Variants in TMEM213 observed in about 807,000 individuals in gnomAD.
TMEM213 encodes the protein transmembrane protein 213.
In TMEM213, 7 loss-of-function variants were observed where a neutral mutation model predicts 11.6. The ratio of observed to expected loss-of-function variants is 0.60; its 90% CI spans 0.34 to 1.13. The LOEUF is 1.13. Among genes scored for constraint, TMEM213 ranks in the 50% most tolerant of loss-of-function variants. TMEM213 has a pLI of 0.03. For missense variants in TMEM213, 129 were observed against 139.0 expected, an observed-to-expected ratio of 0.93 and a Z score of 0.36; for synonymous variants, 60 against 58.3, an observed-to-expected ratio of 1.03 and a Z score of -0.13.
chr7:138,800,237 G>C (rs1808888380), intron 1 of TMEM213, among the ~76,000 whole-genome samples: 1 of 152,078 alleles, frequency 6.6e-6, no homozygotes, highest in African/African-American at 2.4e-5. Flanking sequence ...TAAACAAGAA[G>C]CTGAGTTTTT....
rs981628585 is a variant in TMEM213, at chr7:138,803,244, C to T, written c.*175C>T. 6 of 793,164 alleles carry T rather than the reference C, an allele frequency of 7.6e-6. No individual in the cohort carries two copies. The highest frequency in any genetic ancestry group is 3.8e-4 in the Middle Eastern group (1 of 2,646). 49.1% of individuals were successfully genotyped at this position (793,164 alleles called of 1,614,324 possible). The stretch of plus-strand genomic sequence containing the variant: ...ACCAAATAAGGCAAGCCAGTGCTGC[C>T]CTTGCATGTCACTCCCAAGGGCCCC... On this transcript the variant is annotated 3_prime_UTR_variant, in exon 3 of 3. Transcript: ENST00000442682.
rs1418190014 is a variant in TMEM213, at chr7:138,799,652, T to C, written c.82+1466T>C. 5 of 152,210 alleles carry C rather than the reference T, an allele frequency of 3.3e-5. No individual in the cohort carries two copies. The East Asian group carries it at 9.6e-4, about 29-fold the overall frequency. The allele number at this position is 152,210 out of a possible 1,614,324, so 9.4% of individuals were successfully genotyped here. On this transcript the variant is annotated intron_variant, in intron 1 of 2. Coordinates refer to ENST00000442682, the MANE Select transcript of TMEM213 (RefSeq NM_001085429.2). ...GGAAGAGGACAACTTCCATTCTAGG[T>C]GTAGAGGTGAAATGAAAGTCAGGGC...
chr7:138,798,128 C>T lies in TMEM213; in HGVS notation c.24C>T (p.Thr8=). The T allele has an allele frequency of 6.2e-7, 1 of 1,601,382 alleles. No homozygotes were observed. Among genetic ancestry groups the T allele is most frequent in the East Asian group, 2.3e-5 (1 of 44,274 alleles). The change falls in exon 1 of 3, where the codon ACC becomes ACT. Residue 8 remains threonine, a synonymous_variant. Coordinates refer to ENST00000442682, the MANE Select transcript of TMEM213 (RefSeq NM_001085429.2). ...GCATGCAGCGCCTCCCCGCTGCCACCCGGGCCACCCTGATCCTCAGCCTGG... is the reference window on the plus strand; with the variant it reads ...GCATGCAGCGCCTCCCCGCTGCCACTCGGGCCACCCTGATCCTCAGCCTGG... MQRLPAA[T]RATLILSLAF... is the part of the protein sequence containing the mutation.
chr7:138,800,565 C>A (rs925300734), intron 1 of TMEM213, among the ~76,000 whole-genome samples: 1 of 152,126 alleles, frequency 6.6e-6, no homozygotes, highest in African/African-American at 2.4e-5. Flanking sequence ...AGTCCAAGAT[C>A]AAGGTGTTGA....
At chr7:138,802,866 C>T in intron 2 of TMEM213, 34 bp from the exon 3 acceptor site, 2 of 1,522,304 alleles carry the variant, frequency 1.3e-6, no homozygotes, top group Non-Finnish European at 1.8e-6. Context: ...GCTGGTGGTG[C>T]ATGCCGTCGT....
At position 138,799,981 on chromosome 7, in the gene TMEM213, T is replaced by A. The variant is rs561246986; in HGVS notation, c.83-1346T>A. ...CCCACAGCCAGGGGAACCTTGAGAGTTTCCATGCCCACCACTTTTTTTTTT... is the reference window on the plus strand; with the variant it reads ...CCCACAGCCAGGGGAACCTTGAGAGATTCCATGCCCACCACTTTTTTTTTT... On this transcript the variant is annotated intron_variant, in intron 1 of 2. Transcript: ENST00000442682. Among the ~76,000 whole-genome samples, 3 of 152,076 alleles carry A rather than the reference T, an allele frequency of 2.0e-5. No individual in the cohort carries two copies. In the South Asian group the frequency reaches 6.2e-4, roughly 32 times the overall value.
At position 138,803,743 on chromosome 7, in the gene TMEM213, A is replaced by T. The variant is rs1166063304; in HGVS notation, c.*674A>T. 1 of 143,344 alleles carries T rather than the reference A, an allele frequency of 7.0e-6. No homozygotes were observed. Among genetic ancestry groups the T allele is most frequent in the Non-Finnish European group, 1.5e-5 (1 of 67,050 alleles). The allele number at this position is 143,344 out of a possible 1,614,324, so 8.9% of individuals were successfully genotyped here. On this transcript the variant is annotated 3_prime_UTR_variant, in exon 3 of 3. Coordinates refer to ENST00000442682, the MANE Select transcript of TMEM213 (RefSeq NM_001085429.2). Reference sequence around the variant, plus strand: ...CAGTGAGCCAAGATCATGCCACTGCACTCCAGCCTGGGCGGCAGAGCAAGA... The same window carrying T: ...CAGTGAGCCAAGATCATGCCACTGCTCTCCAGCCTGGGCGGCAGAGCAAGA...
rs1160754428 is a variant in TMEM213, at chr7:138,798,076, T to C, written c.-29T>C. On this transcript the variant is annotated 5_prime_UTR_variant, in exon 1 of 3. Transcript: ENST00000442682. ...CACAACTCCGCAGGACCGGCTCACC[T>C]GCACCGGGCACTCAGCACAGCCTCC... The C allele has an allele frequency of 3.8e-6, 6 of 1,579,952 alleles. No homozygotes were observed. The highest frequency in any genetic ancestry group is 5.2e-6 in the Non-Finnish European group (6 of 1,163,548).
At chr7:138,800,465 A>G (rs1221226036) in intron 1 of TMEM213, among the ~76,000 whole-genome samples, 1 of 152,092 alleles carries the variant, frequency 6.6e-6, no homozygotes. Flanking sequence ...TTGCTCATGA[A>G]TCAATCTATG....
At chr7:138,798,308 G>C in intron 1 of TMEM213, 122 bp downstream of exon 1, 1 of 566,554 alleles carries the variant, frequency 1.8e-6, no homozygotes, top group Admixed American at 4.0e-5. Flanking sequence ...CTGCGCAAAG[G>C]AAGGAGGAAA....
chr7:138,806,494 C>G lies in TMEM213; in HGVS notation c.*3425C>G, dbSNP rs1809103751. On this transcript the variant is annotated 3_prime_UTR_variant, in exon 3 of 3. Coordinates refer to ENST00000442682, the MANE Select transcript of TMEM213 (RefSeq NM_001085429.2). Reference sequence around the variant, plus strand: ...TGCCACTGCACTCCAGCCTGGGTGACAGAGTGAGACCTTGCCTCAAAAAGA... The same window carrying G: ...TGCCACTGCACTCCAGCCTGGGTGAGAGAGTGAGACCTTGCCTCAAAAAGA... 6.6e-6 allele frequency: 1 copy of G among 152,154 alleles called. No individual in the cohort carries two copies. The allele number at this position is 152,154 out of a possible 1,614,324, so 9.4% of individuals were successfully genotyped here.
rs182956638 is a variant in TMEM213 at position 138,806,298 on chromosome 7, C to T, written c.*3229C>T. 3.2e-3 allele frequency: 484 copies of T among 152,062 alleles called. 4 individuals carry two copies. The highest frequency in any genetic ancestry group is 0.011 in the African/African-American group (459 of 41,454). The allele number at this position is 152,062 out of a possible 1,614,324, so 9.4% of individuals were successfully genotyped here. A position where few individuals can be genotyped will look rare whatever the true frequency, so the allele number is the denominator to read the frequency against. ...GCCAAGACAGGAGGATTGCTTGAGCCCAGGAATTTGAGACCAGCCTGGGCA... is the reference window on the plus strand; with the variant it reads ...GCCAAGACAGGAGGATTGCTTGAGCTCAGGAATTTGAGACCAGCCTGGGCA... On this transcript the variant is annotated 3_prime_UTR_variant, in exon 3 of 3. Coordinates refer to ENST00000442682, the MANE Select transcript of TMEM213 (RefSeq NM_001085429.2).
rs1809085447 is a variant in TMEM213, at chr7:138,805,602, T to C, written c.*2533T>C. The C allele has an allele frequency of 6.6e-6, 1 of 152,174 alleles. No individual in the cohort carries two copies. The highest frequency in any genetic ancestry group is 2.4e-5 in the African/African-American group (1 of 41,446). 9.4% of individuals were successfully genotyped at this position (152,174 alleles called of 1,614,324 possible). ...TTAAAAAATATAACAGTGTGTGACG[T>C]AGCAGTGAGAGTACTATCTTTTTTT... is the stretch of plus-strand genomic sequence containing the variant. On this transcript the variant is annotated 3_prime_UTR_variant, in exon 3 of 3. Transcript: ENST00000442682.
At chr7:138,798,279 T>C in intron 1 of TMEM213, 93 bp downstream of exon 1, 11 of 1,259,642 alleles carry the variant, frequency 8.7e-6, no homozygotes, top group Non-Finnish European at 1.2e-5. Context: ...GGGGGAAGAT[T>C]CTTTGGCCAG....
chr7:138,801,504 C>G, intron 2 of TMEM213, 106 bp downstream of exon 2: 1 of 1,061,184 alleles, frequency 9.4e-7, no homozygotes, highest in African/African-American at 1.6e-5. Context: ...TGGGCAAGGG[C>G]CTGCCTGGCC....
In TMEM213 at chr7:138,804,008, C is replaced by G. The variant is rs1312895277; in HGVS notation, c.*939C>G. The G allele has an allele frequency of 1.3e-5, 2 of 152,422 alleles. No homozygotes were observed. The highest frequency in any genetic ancestry group is 3.8e-4 in the East Asian group (2 of 5,200). 9.4% of individuals were successfully genotyped at this position (152,422 alleles called of 1,614,324 possible). A position where few individuals can be genotyped will look rare whatever the true frequency, so the allele number is the denominator to read the frequency against. On this transcript the variant is annotated 3_prime_UTR_variant, in exon 3 of 3. Transcript: ENST00000442682. ...CACCATCTTCACCCCCACCTCAGGT[C>G]CTTCTCCAGCTCTCCTTCTGGCTTC...
chr7:138,802,542 C>A (rs1354568084), intron 2 of TMEM213, among the ~76,000 whole-genome samples: 3 of 140,800 alleles, frequency 2.1e-5, no homozygotes, highest in Admixed American at 7.2e-5. Flanking sequence ...CAGAGTGAGA[C>A]TCTGTCTCAA....
At chr7:138,800,758 TG>T (rs1250043488) in intron 1 of TMEM213, among the ~76,000 whole-genome samples, 5 of 115,994 alleles carry the variant, frequency 4.3e-5, no homozygotes, top group African/African-American at 1.1e-4. Context: ...TGGAGTGCAA[TG>T]GTGTGATCTC....
chr7:138,801,281 A>G (rs1472106296), intron 1 of TMEM213, 46 bp from the exon 2 acceptor site: 3 of 1,528,254 alleles, frequency 2.0e-6, no homozygotes, highest in Admixed American at 1.8e-5. Context: ...ATGCCTGGGA[A>G]TAGCTTTTGC....
Sources: gnomAD v4.1 joint callset for allele counts (sites outside exome capture counted in the v4.1 genomes callset) on GRCh38, gnomAD v4.1.1 for gene constraint, MANE v1.5 for transcripts, NCBI Gene and HGNC (gene_info 2026-07-23, HGNC 2026-07-21) for gene names.